Variants in ZNF628 observed in about 807,000 individuals in gnomAD.
The protein encoded by ZNF628 is zinc finger protein Zec.
ZNF628 carries 3 observed loss-of-function variants against 2.5 expected under a neutral mutation model. The ratio of observed to expected loss-of-function variants is 1.19; its 90% CI spans 0.54 to 3.07. The LOEUF is 3.07. ZNF628 is among the 30% of genes most tolerant of loss of function. The pLI is 0.03. For missense variants in ZNF628, 1,610 were observed against 1,517.1 expected (o/e 1.06, Z -1.02); for synonymous variants, 861 against 717.1 (o/e 1.20, Z -3.21).
chr19:55,484,246 C>T lies in ZNF628; in HGVS notation c.3053C>T (p.Ala1018Val), dbSNP rs1986847345. The T allele has an allele frequency of 2.6e-6, 4 of 1,548,514 alleles. No individual in the cohort carries two copies. Among genetic ancestry groups the T allele is most frequent in the East Asian group, 2.4e-5 (1 of 40,874 alleles). ...TCGGGCCCCGCGGGGCTCCCCGGGG[C>T]TCCAGCCTCCCAGATGGTGCAAGTG... Reference protein sequence around the residue: ...PASGPAGLPGAPASQMVQVVP... With the variant: ...PASGPAGLPGVPASQMVQVVP... Residue 1018 changes from alanine to valine, a missense_variant, in exon 3 of 3, where the codon GCT (alanine) becomes GTT (valine). Coordinates refer to ENST00000598519, the MANE Select transcript of ZNF628 (RefSeq NM_033113.3).
rs775480714 is a variant in ZNF628, at chr19:55,482,620, A to G, written c.1427A>G (p.His476Arg). The G allele has an allele frequency of 6.2e-7, 1 of 1,608,462 alleles. No homozygotes were observed. Among genetic ancestry groups the G allele is most frequent in the Non-Finnish European group, 8.5e-7 (1 of 1,178,288 alleles). Residue 476 changes from histidine (H) to arginine (R), a missense_variant, in exon 3 of 3, where the codon CAC becomes CGC. By Grantham distance (29) the His-to-Arg change is conservative. Around this residue, in one of 5 missense-constraint regions of ZNF628, gnomAD observed 651 missense variants for 575.6 expected, o/e 1.13. Transcript: ENST00000598519. ...GGGCTGCGCTACCACCTGCGGGACC[A>G]CACGGGCGAGCGGCCCTACCAGTGT... ...SSGLRYHLRD[H>R]TGERPYQCGE...
chr19:55,482,662 C>T lies in ZNF628; in HGVS notation c.1469C>T (p.Ala490Val), dbSNP rs753556055. 2 of 1,612,238 alleles carry T rather than the reference C, an allele frequency of 1.2e-6. No homozygotes were observed. Among genetic ancestry groups the T allele is most frequent in the Non-Finnish European group, 1.7e-6 (2 of 1,179,462 alleles). Residue 490 changes from alanine to valine, a missense_variant, in exon 3 of 3, where the codon GCC (alanine) becomes GTC (valine). By Grantham distance (64) the Ala-to-Val change is moderately conservative (BLOSUM62 0). This residue lies in a region of ZNF628 where 651 missense variants were observed against 575.6 expected (regional missense o/e 1.13). Transcript: ENST00000598519. The stretch of plus-strand genomic sequence containing the variant: ...TACCAGTGTGGCGAGTGCGGCAAGG[C>T]CTTCAAGCGCTCCTCCCTGCTGGCC... ...RPYQCGECGK[A>V]FKRSSLLAIH...
rs1437596457 is a variant in ZNF628 at position 55,482,495 on chromosome 19, G to A, written c.1302G>A (p.Ala434=). 3 of 1,447,032 alleles carry A rather than the reference G, an allele frequency of 2.1e-6. No homozygotes were observed. Among genetic ancestry groups the A allele is most frequent in the Non-Finnish European group, 2.7e-6 (3 of 1,104,446 alleles). 89.6% of individuals were successfully genotyped at this position (1,447,032 alleles called of 1,614,324 possible). ...AEVTCPQEPL[A]PAAPVPPPPP... is the part of the protein sequence containing the mutation. Reference sequence around the variant, plus strand: ...TGACCTGCCCCCAGGAACCGCTGGCGCCTGCCGCCCCCGTCCCGCCGCCAC... The same window carrying A: ...TGACCTGCCCCCAGGAACCGCTGGCACCTGCCGCCCCCGTCCCGCCGCCAC... Residue 434 remains alanine, a synonymous_variant, in exon 3 of 3, where the codon GCG becomes GCA. Transcript: ENST00000598519.
Position 55,481,983 on chromosome 19 carries a change from A to G in ZNF628, c.790A>G (p.Ser264Gly), listed in dbSNP as rs1236504295. The G allele has an allele frequency of 3.4e-6, 5 of 1,456,424 alleles. No individual in the cohort carries two copies. Among genetic ancestry groups the G allele is most frequent in the Middle Eastern group, 2.5e-4 (1 of 4,076 alleles). The allele number at this position is 1,456,424 out of a possible 1,614,324, so 90.2% of individuals were successfully genotyped here. Reference protein sequence around the residue: ...AYLQRHLQPHSPPAPPAPPPP... With the variant: ...AYLQRHLQPHGPPAPPAPPPP... ...CCTGCAGCGGCACCTCCAGCCCCAC[A>G]GCCCGCCCGCGCCTCCCGCCCCGCC... The change falls in exon 3 of 3, where the codon AGC becomes GGC. Residue 264 changes from serine (S) to glycine (G), a missense_variant. By Grantham distance (56) the Ser-to-Gly change is moderately conservative (BLOSUM62 0). Around this residue, in one of 5 missense-constraint regions of ZNF628, gnomAD observed 651 missense variants for 575.6 expected, o/e 1.13. Coordinates refer to ENST00000598519, the MANE Select transcript of ZNF628 (RefSeq NM_033113.3).
In ZNF628 at chr19:55,483,425, G is replaced by T. The variant is rs1324310937; in HGVS notation, c.2232G>T (p.Leu744=). Residue 744 remains leucine (L), a synonymous_variant, in exon 3 of 3, where the codon CTG becomes CTT. Transcript: ENST00000598519. Reference sequence around the variant, plus strand: ...CTCCCGCACCTCCCAAGCTCATCCTGCTGCCCTCCTCCAGTGCTGGGGCTG... The same window carrying T: ...CTCCCGCACCTCCCAAGCTCATCCTTCTGCCCTCCTCCAGTGCTGGGGCTG... ...PPPPAPPKLI[L]LPSSSAGAGG... 3 of 1,519,400 alleles carry T rather than the reference G, an allele frequency of 2.0e-6. No homozygotes were observed. The highest frequency in any genetic ancestry group is 1.4e-5 in the African/African-American group (1 of 72,564). The allele number at this position is 1,519,400 out of a possible 1,614,324, so 94.1% of individuals were successfully genotyped here.
Position 55,484,486 on chromosome 19 carries a change from C to A in ZNF628, c.*113C>A, listed in dbSNP as rs934305331. 2 of 991,372 alleles carry A rather than the reference C, an allele frequency of 2.0e-6. No homozygotes were observed. The highest frequency in any genetic ancestry group is 2.8e-6 in the Non-Finnish European group (2 of 708,424). The allele number at this position is 991,372 out of a possible 1,614,324, so 61.4% of individuals were successfully genotyped here. A position where few individuals can be genotyped will look rare whatever the true frequency, so the allele number is the denominator to read the frequency against. On this transcript the variant is annotated 3_prime_UTR_variant, in exon 3 of 3. Coordinates refer to ENST00000598519, the MANE Select transcript of ZNF628 (RefSeq NM_033113.3). The stretch of plus-strand genomic sequence containing the variant: ...GCTAATAAAGACCCGAGTCTCCCCG[C>A]CTGTGTTTTGTTTTCCTGGGGGGAG...
Position 55,484,230 on chromosome 19 carries a change from G to T in ZNF628, c.3037G>T (p.Ala1013Ser). ...PPPSGPASGP[A>S]GLPGAPASQM... ...GCCGTCAGGCCCAGCCTCGGGCCCC[G>T]CGGGGCTCCCCGGGGCTCCAGCCTC... The change falls in exon 3 of 3, where the codon GCG becomes TCG. Residue 1013 changes from alanine (A) to serine (S), a missense_variant. By Grantham distance (99) the Ala-to-Ser change is moderately conservative (BLOSUM62 1). Transcript: ENST00000598519. 1 of 1,548,754 alleles carries T rather than the reference G, an allele frequency of 6.5e-7. No individual in the cohort carries two copies. The highest frequency in any genetic ancestry group is 8.7e-7 in the Non-Finnish European group (1 of 1,146,482).
At chr19:55,480,925 G>C (rs375237152) in intron 2 of ZNF628, among the ~76,000 whole-genome samples, 1 of 152,294 alleles carries the variant, frequency 6.6e-6, no homozygotes. Flanking sequence ...TCTTGAAGGC[G>C]GGCCCCAGCC....
At position 55,483,938 on chromosome 19, in the gene ZNF628, C is replaced by A. The variant is rs1227010337; in HGVS notation, c.2745C>A (p.Ser915Arg). 4 of 1,573,906 alleles carry A rather than the reference C, an allele frequency of 2.5e-6. No homozygotes were observed. Among genetic ancestry groups the A allele is most frequent in the East Asian group, 2.3e-5 (1 of 43,672 alleles). Residue 915 changes from serine (S) to arginine (R), a missense_variant, in exon 3 of 3, where the codon AGC becomes AGA. Transcript: ENST00000598519. The part of the protein sequence containing the change: ...GPGEAGDGEA[S>R]TGVVQDVLFE... Reference sequence around the variant, plus strand: ...GGGAGGCGGGGGATGGCGAGGCCAGCACTGGTGTGGTCCAGGATGTCCTCT... The same window carrying A: ...GGGAGGCGGGGGATGGCGAGGCCAGAACTGGTGTGGTCCAGGATGTCCTCT...
rs1382084420 is a variant in ZNF628, at chr19:55,482,017, C to T, written c.824C>T (p.Pro275Leu). 1 of 1,477,750 alleles carries T rather than the reference C, an allele frequency of 6.8e-7. No individual in the cohort carries two copies. The highest frequency in any genetic ancestry group is 3.0e-5 in the East Asian group (1 of 33,764). 91.5% of individuals were successfully genotyped at this position (1,477,750 alleles called of 1,614,324 possible). ...GCGCCTCCCGCCCCGCCGCCCCCGC[C>T]CCCGCCCGTGGTGCCTGAGCTCTTT... ...PPAPPAPPPP[P>L]PPVVPELFLA... Residue 275 changes from proline to leucine, a missense_variant, in exon 3 of 3, where the codon CCC becomes CTC. Transcript: ENST00000598519.
chr19:55,484,116 C>A lies in ZNF628; in HGVS notation c.2923C>A (p.Leu975Ile), dbSNP rs566159118. The A allele has an allele frequency of 8.8e-6, 14 of 1,592,110 alleles. No homozygotes were observed. The East Asian group carries it at 2.6e-4, about 29-fold the overall frequency. ...CACCGGCCCACCCGGACAGAAACTC[C>A]TCATCATCCGCAGCGCCCCAGCCAC... is the stretch of plus-strand genomic sequence containing the variant. ...PATGPPGQKLLIIRSAPATEL... is the reference protein window; with the variant it reads ...PATGPPGQKLIIIRSAPATEL... Residue 975 changes from leucine (L) to isoleucine (I), a missense_variant, in exon 3 of 3, where the codon CTC (leucine) becomes ATC (isoleucine). Transcript: ENST00000598519.
Position 55,481,222 on chromosome 19 carries a change from C to G in ZNF628, c.29C>G (p.Ala10Gly), listed in dbSNP as rs746892879. The part of the protein sequence containing the change: MSGVMVGSH[A>G]DMAPASTAEG... ...CCAGGTGTGATGGTCGGCTCCCACGCGGACATGGCGCCGGCCTCTACTGCG... is the reference window on the plus strand; with the variant it reads ...CCAGGTGTGATGGTCGGCTCCCACGGGGACATGGCGCCGGCCTCTACTGCG... Residue 10 changes from alanine to glycine, a missense_variant, in exon 3 of 3, where the codon GCG (alanine) becomes GGG (glycine). Coordinates refer to ENST00000598519, the MANE Select transcript of ZNF628 (RefSeq NM_033113.3). The G allele has an allele frequency of 6.4e-7, 1 of 1,560,786 alleles. No individual in the cohort carries two copies. Among genetic ancestry groups the G allele is most frequent in the Non-Finnish European group, 8.6e-7 (1 of 1,156,286 alleles).
Position 55,483,587 on chromosome 19 carries a change from C to A in ZNF628, c.2394C>A (p.Ser798Arg), listed in dbSNP as rs781475278. Residue 798 changes from serine (S) to arginine (R), a missense_variant, in exon 3 of 3, where the codon AGC becomes AGA. Transcript: ENST00000598519. ...CTGGGGCCAGCGGGACAGGGCAGAG[C>A]CTCATCGTTCTGCAGAATGTGGGGG... is the stretch of plus-strand genomic sequence containing the variant. ...ASAGASGTGQSLIVLQNVGGG... is the reference protein window; with the variant it reads ...ASAGASGTGQRLIVLQNVGGG... 9 of 1,611,586 alleles carry A rather than the reference C, an allele frequency of 5.6e-6. No individual in the cohort carries two copies. Among genetic ancestry groups the A allele is most frequent in the Non-Finnish European group, 6.8e-6 (8 of 1,178,934 alleles).
In ZNF628 at chr19:55,483,356, C is replaced by T. The variant is rs1367229566; in HGVS notation, c.2163C>T (p.Leu721=). 1 of 1,541,520 alleles carries T rather than the reference C, an allele frequency of 6.5e-7. No homozygotes were observed. Among genetic ancestry groups the T allele is most frequent in the South Asian group, 1.2e-5 (1 of 83,700 alleles). Residue 721 remains leucine (L), a synonymous_variant, in exon 3 of 3, where the codon CTC becomes CTT. Coordinates refer to ENST00000598519, the MANE Select transcript of ZNF628 (RefSeq NM_033113.3). ...TCCTGGTGCAAACTGCCCAGGGCCT[C>T]CAGCTGATCCCCAGCAGCGTGCAGC... is the stretch of plus-strand genomic sequence containing the variant. ...TFLLVQTAQG[L]QLIPSSVQPP...
chr19:55,483,043 C>T lies in ZNF628; in HGVS notation c.1850C>T (p.Ser617Leu). Residue 617 changes from serine (S) to leucine (L), a missense_variant, in exon 3 of 3, where the codon TCG becomes TTG. Coordinates refer to ENST00000598519, the MANE Select transcript of ZNF628 (RefSeq NM_033113.3). ...SNLLLHQRTH[S>L]AERPFTCPIC... ...CTGCTGCTGCACCAGCGCACGCACT[C>T]GGCGGAGCGCCCCTTCACCTGCCCC... 6.2e-7 allele frequency: 1 copy of T among 1,611,584 alleles called. No individual in the cohort carries two copies. The highest frequency in any genetic ancestry group is 1.3e-5 in the African/African-American group (1 of 75,040).
chr19:55,481,399 G>A lies in ZNF628; in HGVS notation c.206G>A (p.Cys69Tyr). 6.2e-7 allele frequency: 1 copy of A among 1,612,986 alleles called. No homozygotes were observed. Among genetic ancestry groups the A allele is most frequent in the Non-Finnish European group, 8.5e-7 (1 of 1,179,694 alleles). Residue 69 changes from cysteine (C) to tyrosine (Y), a missense_variant, in exon 3 of 3, where the codon TGC (cysteine) becomes TAC (tyrosine). By Grantham distance (194) the Cys-to-Tyr change is radical. This residue lies in a region of ZNF628 where 166 missense variants were observed against 241.3 expected (regional missense o/e 0.69). Transcript: ENST00000598519. ...GAGCGGCCCTACAAGTGCCCAGACT[G>A]CCCCAAGGCTTTCAAAGGCTCCTCG... is the stretch of plus-strand genomic sequence containing the variant. ...TGERPYKCPD[C>Y]PKAFKGSSAL...
rs927713304 is a variant in ZNF628 at position 55,479,120 on chromosome 19, C to T, written c.-77-714C>T. ...GACAAAGTGGTGCCGGAGCCCCGGG[C>T]GCTCCCACATCTAGAGGTCAGGGAG... On this transcript the variant is annotated intron_variant, in intron 1 of 2. Transcript: ENST00000598519. This position sits in a 1 kb window ranked among gnomAD's most constrained non-coding sequence, Gnocchi z 5.1. 1.6e-4 allele frequency among the ~76,000 whole-genome samples: 25 copies of T among 151,994 alleles called. No homozygotes were observed. Among genetic ancestry groups the T allele is most frequent in the African/African-American group, 3.9e-4 (16 of 41,384 alleles).
Position 55,482,534 on chromosome 19 carries a change from C to T in ZNF628, c.1341C>T (p.Pro447=). 1 of 1,546,522 alleles carries T rather than the reference C, an allele frequency of 6.5e-7. No individual in the cohort carries two copies. Among genetic ancestry groups the T allele is most frequent in the Non-Finnish European group, 8.7e-7 (1 of 1,153,486 alleles). Residue 447 remains proline (P), a synonymous_variant, in exon 3 of 3, where the codon CCC becomes CCT. Transcript: ENST00000598519. ...TCCCGCCGCCACCCCCGTCCGCCCC[C>T]GCTTCTGCGGAGCGGCCCTACAAAT... ...APVPPPPPSA[P]ASAERPYKCA...
chr19:55,477,502 C>A (rs1360099005), intron 1 of ZNF628, among the ~76,000 whole-genome samples: 2 of 152,178 alleles, frequency 1.3e-5, no homozygotes, highest in Non-Finnish European at 2.9e-5. Context: ...TGGCTCACGC[C>A]TGTAATCCCA....
Sources: allele counts gnomAD v4.1 joint callset (sites outside exome capture counted in the v4.1 genomes callset), GRCh38; gene constraint gnomAD v4.1.1; regional missense constraint gnomAD v4.1.1; non-coding constraint Gnocchi (gnomAD v3.1); transcripts MANE v1.5; gene names NCBI Gene and HGNC (gene_info 2026-07-23, HGNC 2026-07-21).